The following KCNH1 variants were observed in gnomAD, a reference collection of about 807,000 sequenced individuals.
The protein encoded by KCNH1 is voltage-gated delayed rectifier potassium channel KCNH1.
KCNH1 carries 27 observed loss-of-function variants against 69.2 expected under a neutral mutation model. That is an observed-to-expected ratio of 0.39 (90% CI 0.29 to 0.54). The LOEUF is 0.54. KCNH1 is among the 20% of genes least tolerant of loss of function. The pLI, the probability that KCNH1 is intolerant of heterozygous loss-of-function variation, is 0.68. For missense variants in KCNH1, 798 were observed against 1,261.6 expected (o/e 0.63, Z 5.57); for synonymous variants, 456 against 487.7 (o/e 0.93, Z 0.86).
intron 7 of KCNH1, chr1:210,862,091 G>A (rs1192549462): frequency 1.2e-5 from 11 of 907,560 alleles, no homozygotes; most frequent in Non-Finnish European, 1.9e-5. Context: ...GGCCAATACT[G>A]TGTTATATTT....
intron 7 of KCNH1, among the ~76,000 whole-genome samples, chr1:210,844,710 C>T (rs1685499273): frequency 6.6e-6 from 1 of 151,978 alleles, no homozygotes; most frequent in Non-Finnish European, 1.5e-5. Context: ...TAGCAGAAGG[C>T]AAGAAATAAC....
At chr1:210,834,217 T>C (rs1166398104) in intron 7 of KCNH1, among the ~76,000 whole-genome samples, 16 of 151,488 alleles carry the variant, frequency 1.1e-4, no homozygotes, top group Non-Finnish European at 2.2e-4. Context: ...ATCATGCTGC[T>C]ATAAAGACAC....
At chr1:210,715,662 G>A (rs1017765329) in intron 10 of KCNH1, among the ~76,000 whole-genome samples, 20 of 152,118 alleles carry the variant, frequency 1.3e-4, no homozygotes, top group Non-Finnish European at 2.8e-4. Context: ...AAATAATCAT[G>A]AGTTGCTATG....
chr1:210,883,402 A>G (rs1015234743), intron 7 of KCNH1, among the ~76,000 whole-genome samples: 1 of 152,216 alleles, frequency 6.6e-6, no homozygotes, highest in African/African-American at 2.4e-5. Context: ...GAGTTTCTCT[A>G]TGAACACATT....
chr1:210,955,947 G>A lies in KCNH1; in HGVS notation c.1033-35878C>T, dbSNP rs148778729. ...AGAACTTCCAATACTATGTTGAATA[G>A]GAGTGGTGAGAGAGGGCATCCCTGT... On this transcript the variant is annotated intron_variant, in intron 6 of 10. Transcript: ENST00000271751. Among the ~76,000 whole-genome samples the A allele has an allele frequency of 6.0e-3, 907 of 152,240 alleles. 6 individuals carry two copies. Among genetic ancestry groups the A allele is most frequent in the Middle Eastern group, 0.01 (3 of 294 alleles).
At chr1:210,984,745 C>CTT (rs142650717) in intron 6 of KCNH1, among the ~76,000 whole-genome samples, 10 of 151,798 alleles carry the variant, frequency 6.6e-5, no homozygotes, top group Non-Finnish European at 8.8e-5. Context: ...CTAAAATTCT[C>CTT]TTTTTTTGTT....
In KCNH1 at chr1:210,775,220, A is replaced by G. The variant is rs1683837965; in HGVS notation, c.2112+128T>C. The G allele has an allele frequency of 5.2e-6, 4 of 764,776 alleles. No individual in the cohort carries two copies. The South Asian group carries it at 7.6e-5, about 14-fold the overall frequency. 47.4% of individuals were successfully genotyped at this position (764,776 alleles called of 1,614,324 possible). On this transcript the variant is annotated intron_variant, in intron 10 of 10. Transcript: ENST00000271751. ...GCAAAAGCCCCGCAGAGCAAACAAC[A>G]AACAGATCCTCTTTAGAACCAATTA...
chr1:211,111,546 GC>G (rs1224755983), intron 1 of KCNH1, among the ~76,000 whole-genome samples: 5 of 145,396 alleles, frequency 3.4e-5, no homozygotes, highest in African/African-American at 1.0e-4. Context: ...CCTCTGCCCG[GC>G]CCCCCGCCCC....
intron 7 of KCNH1, chr1:210,862,139 C>A: frequency 1.5e-6 from 2 of 1,325,212 alleles, no homozygotes; most frequent in Admixed American, 1.7e-5. Flanking sequence ...ACAGGTAAAT[C>A]CAGCTGTTCC....
Position 210,722,957 on chromosome 1 carries a change from G to A in KCNH1, c.2113-38819C>T, listed in dbSNP as rs116017336. On this transcript the variant is annotated intron_variant, in intron 10 of 10. Transcript: ENST00000271751. ...TCTTGCTGGGGTTAATGTGCTTCCCGTTCCTGACAGACCTCAGGGAAGACA... is the reference window on the plus strand; with the variant it reads ...TCTTGCTGGGGTTAATGTGCTTCCCATTCCTGACAGACCTCAGGGAAGACA... 5.5e-3 allele frequency among the ~76,000 whole-genome samples: 842 copies of A among 152,222 alleles called. 6 individuals carry two copies. Among genetic ancestry groups the A allele is most frequent in the African/African-American group, 0.019 (794 of 41,526 alleles).
chr1:210,919,645 A>C lies in KCNH1; in HGVS notation c.1457T>G (p.Ile486Ser). ...CCCAGCACTGTCATACTTACAGCCA[A>C]TCATCATGATGGCCACTGCAAAGAT... ...EKIFAVAIMM[I>S]GSLLYATIFG... Residue 486 changes from isoleucine (I) to serine (S), a missense_variant, in exon 7 of 11, where the codon ATT becomes AGT. This residue lies in a region of KCNH1 where 197 missense variants were observed against 407.7 expected (regional missense o/e 0.48). Coordinates refer to ENST00000271751, the MANE Select transcript of KCNH1 (RefSeq NM_172362.3). The surrounding 1 kb of genome is among the most constrained non-coding windows in gnomAD (Gnocchi z 4.2). 6.2e-7 allele frequency: 1 copy of C among 1,612,228 alleles called. No homozygotes were observed. The highest frequency in any genetic ancestry group is 8.5e-7 in the Non-Finnish European group (1 of 1,178,680).
At chr1:211,050,280 A>AAAAAAAAAAAAAAAC in intron 5 of KCNH1, among the ~76,000 whole-genome samples, 1 of 127,512 alleles carries the variant, frequency 7.8e-6, no homozygotes, top group Non-Finnish European at 1.8e-5. Flanking sequence ...AAAAAAAAAA[A>AAAAAAAAAAAAAAAC]AAAAAAAAAA....
At chr1:210,941,009 G>T (rs1004138623) in intron 6 of KCNH1, among the ~76,000 whole-genome samples, 1 of 152,174 alleles carries the variant, frequency 6.6e-6, no homozygotes, top group Non-Finnish European at 1.5e-5. Context: ...ACTTTCATGG[G>T]GGTTGCATCT....
intron 6 of KCNH1, among the ~76,000 whole-genome samples, chr1:210,965,675 G>A (rs566725716): frequency 6.6e-6 from 1 of 152,160 alleles, no homozygotes; most frequent in African/African-American, 2.4e-5. Flanking sequence ...CAACTTACAA[G>A]GGATGTGAAG....
At chr1:210,717,018 C>T (rs752728682) in intron 10 of KCNH1, among the ~76,000 whole-genome samples, 154 of 152,228 alleles carry the variant, frequency 1.0e-3, no homozygotes, top group Middle Eastern at 3.4e-3. Flanking sequence ...TTTATATCTT[C>T]CATTTGAGTT....
At chr1:211,130,266 T>TA (rs1691852372) in intron 1 of KCNH1, among the ~76,000 whole-genome samples, 1 of 152,222 alleles carries the variant, frequency 6.6e-6, no homozygotes, top group South Asian at 2.1e-4. Context: ...GCTGCCTACT[T>TA]ACGGCAATTT....
chr1:210,750,163 C>T (rs1683253349), intron 10 of KCNH1, among the ~76,000 whole-genome samples: 2 of 152,284 alleles, frequency 1.3e-5, no homozygotes, highest in South Asian at 4.1e-4. Flanking sequence ...CCACATACCA[C>T]AGTTTGCTCC....
At chr1:210,914,892 G>A (rs1487134903) in intron 7 of KCNH1, among the ~76,000 whole-genome samples, 1 of 152,170 alleles carries the variant, frequency 6.6e-6, no homozygotes, top group Non-Finnish European at 1.5e-5. Flanking sequence ...AGAGTGTCTG[G>A]AGTAGGAGTA....
At chr1:210,775,788 C>T (rs1558464707) in intron 9 of KCNH1, among the ~76,000 whole-genome samples, 1 of 152,182 alleles carries the variant, frequency 6.6e-6, no homozygotes, top group Non-Finnish European at 1.5e-5. Flanking sequence ...TATGTCACCT[C>T]CTCAAAGGGT....
Sources: allele counts gnomAD v4.1 joint callset (sites outside exome capture counted in the v4.1 genomes callset), GRCh38; gene constraint gnomAD v4.1.1; regional missense constraint gnomAD v4.1.1; non-coding constraint Gnocchi (gnomAD v3.1); transcripts MANE v1.5; gene names NCBI Gene and HGNC (gene_info 2026-07-23, HGNC 2026-07-21).